ADK: variants seen among roughly 807,000 people sequenced by gnomAD.
The protein encoded by ADK is N6,N6-dimethyladenosine kinase.
ADK carries 24 observed loss-of-function variants against 44.7 expected under a neutral mutation model. The observed-to-expected ratio is 0.54, with a 90% CI of 0.39 to 0.76. The LOEUF (loss-of-function observed/expected upper bound fraction) is 0.76. Among genes scored for constraint, ADK ranks in the 30% least tolerant of loss-of-function variants. The pLI, the probability that ADK is intolerant of heterozygous loss-of-function variation, is 0.00. For synonymous variants in ADK, 128 were observed against 142.6 expected, an observed-to-expected ratio of 0.90 and a Z score of 0.73; for missense variants, 321 against 425.1, an observed-to-expected ratio of 0.76 and a Z score of 2.15.
At chr10:74,238,536 T>A (rs1427306793) in intron 3 of ADK, among the ~76,000 whole-genome samples, 2 of 152,132 alleles carry the variant, frequency 1.3e-5, no homozygotes, top group African/African-American at 2.4e-5. Context: ...AATTTAAAAA[T>A]TTTAAATTTA....
At chr10:74,614,684 T>C (rs1255400742) in intron 9 of ADK, among the ~76,000 whole-genome samples, 1 of 151,396 alleles carries the variant, frequency 6.6e-6, no homozygotes, top group South Asian at 2.1e-4. Context: ...TTTGTGCACT[T>C]TCTTACTTTT....
At chr10:74,505,374 A>G (rs1050131757) in intron 6 of ADK, among the ~76,000 whole-genome samples, 3 of 152,134 alleles carry the variant, frequency 2.0e-5, no homozygotes, top group Non-Finnish European at 2.9e-5. Context: ...TACTTATTCT[A>G]CATCTTCTTT....
intron 3 of ADK, among the ~76,000 whole-genome samples, chr10:74,228,169 A>G (rs950448209): frequency 6.6e-6 from 1 of 152,226 alleles, no homozygotes; most frequent in Admixed American, 6.5e-5. Context: ...CTTCACGAGT[A>G]TACTTGTTTC....
chr10:74,651,072 T>C (rs2134131419), intron 9 of ADK, among the ~76,000 whole-genome samples: 1 of 152,248 alleles, frequency 6.6e-6, no homozygotes, highest in East Asian at 1.9e-4. Flanking sequence ...CTGTAGGCAT[T>C]TAGAATGATA....
intron 9 of ADK, among the ~76,000 whole-genome samples, chr10:74,630,714 C>G (rs1283405791): frequency 3.3e-5 from 5 of 152,038 alleles, no homozygotes. Flanking sequence ...TTTTTTCTTT[C>G]TTATTGAATA....
At chr10:74,663,364 C>A (rs1309863560) in intron 9 of ADK, among the ~76,000 whole-genome samples, 27 of 151,686 alleles carry the variant, frequency 1.8e-4, no homozygotes, top group Admixed American at 1.4e-3. Context: ...TTATCCTATT[C>A]ACATCTGTAT....
chr10:74,695,405 A>G (rs1856140009), intron 10 of ADK, among the ~76,000 whole-genome samples: 1 of 152,090 alleles, frequency 6.6e-6, no homozygotes, highest in South Asian at 2.1e-4. Context: ...AGAGGCTGGC[A>G]TAACTTGCAT....
intron 3 of ADK, among the ~76,000 whole-genome samples, chr10:74,273,538 A>T (rs965067048): frequency 1.3e-5 from 2 of 151,724 alleles, no homozygotes; most frequent in Non-Finnish European, 2.9e-5. Context: ...GCTCACTGCA[A>T]CCTCTGCCTC....
chr10:74,296,190 A>G (rs1465673340), intron 3 of ADK, among the ~76,000 whole-genome samples: 1 of 151,230 alleles, frequency 6.6e-6, no homozygotes, highest in Non-Finnish European at 1.5e-5. Context: ...AATTTTTTTT[A>G]TGCATGGCAA....
chr10:74,577,060 A>G (rs560655253), intron 7 of ADK, among the ~76,000 whole-genome samples: 1 of 149,748 alleles, frequency 6.7e-6, no homozygotes, highest in African/African-American at 2.5e-5. Context: ...TCAATTTAGT[A>G]TTTATTCACC....
At chr10:74,278,366 T>TAAAAAA (rs56769018) in intron 3 of ADK, among the ~76,000 whole-genome samples, 1 of 113,918 alleles carries the variant, frequency 8.8e-6, no homozygotes, top group African/African-American at 3.2e-5. Flanking sequence ...AAAAAAAAAT[T>TAAAAAA]AAAAAAAAAA....
At chr10:74,696,363 T>G (rs904838623) in intron 10 of ADK, among the ~76,000 whole-genome samples, 1 of 151,438 alleles carries the variant, frequency 6.6e-6, no homozygotes, top group Admixed American at 6.6e-5. Flanking sequence ...TATTTATTTT[T>G]GTTTTTGTTT....
At chr10:74,619,902 A>G (rs1410514290) in intron 9 of ADK, among the ~76,000 whole-genome samples, 1 of 151,956 alleles carries the variant, frequency 6.6e-6, no homozygotes, top group Admixed American at 6.6e-5. Flanking sequence ...TTTTATTTTT[A>G]TTAGAGATGA....
intron 6 of ADK, among the ~76,000 whole-genome samples, chr10:74,414,125 A>G (rs2132969885): frequency 6.6e-6 from 1 of 152,334 alleles, no homozygotes; most frequent in African/African-American, 2.4e-5. Flanking sequence ...AATTACCAAA[A>G]TATGACAGAG....
intron 3 of ADK, among the ~76,000 whole-genome samples, chr10:74,274,354 G>C (rs918482997): frequency 5.3e-5 from 8 of 152,196 alleles, no homozygotes; most frequent in African/African-American, 1.4e-4. Context: ...CTGAGGTCAG[G>C]AGTTTGAGGC....
rs370305185 is a variant in ADK at position 74,396,016 on chromosome 10, CAAAG to C, written c.446+1705_446+1708del. Among the ~76,000 whole-genome samples, 138 of 151,972 alleles carry C rather than the reference CAAAG, an allele frequency of 9.1e-4. 2 individuals carry two copies. In the South Asian group the frequency reaches 0.028, roughly 31 times the overall value. On this transcript the variant is annotated intron_variant, in intron 5 of 10. Transcript: ENST00000539909. ...ACAGAGCAAGATTCTGTCTCAAAAC[CAAAG>C]AGAGAGAGAGAACAGTTATGATAAT...
intron 6 of ADK, among the ~76,000 whole-genome samples, chr10:74,423,191 G>T (rs1269433942): frequency 2.6e-5 from 4 of 152,170 alleles, no homozygotes; most frequent in Non-Finnish European, 5.9e-5. Flanking sequence ...GGGAAGAGCA[G>T]AAAATCAATA....
rs371677195 is a variant in ADK, at chr10:74,584,166, A to G, written c.727-5116A>G. Among the ~76,000 whole-genome samples, 35 of 152,324 alleles carry G rather than the reference A, an allele frequency of 2.3e-4. 1 individual carries two copies. Among genetic ancestry groups the G allele is most frequent in the Middle Eastern group, 6.8e-3 (2 of 294 alleles). ...AACCATTTTGAAGACTGCCTCCTAC[A>G]CATATAATCCACAGATGGGACAGAT... On this transcript the variant is annotated intron_variant, in intron 7 of 10. Transcript: ENST00000539909.
chr10:74,542,867 A>AT (rs1386445516), intron 7 of ADK, among the ~76,000 whole-genome samples: 5 of 151,390 alleles, frequency 3.3e-5, no homozygotes, highest in African/African-American at 4.8e-5. Flanking sequence ...GATCCTTCTC[A>AT]TTTTTAATTT....
Sources: gnomAD v4.1 joint callset for allele counts (sites outside exome capture counted in the v4.1 genomes callset) on GRCh38, gnomAD v4.1.1 for gene constraint, MANE v1.5 for transcripts, NCBI Gene and HGNC (gene_info 2026-07-23, HGNC 2026-07-21) for gene names.